The following NALF1 variants were observed in gnomAD, a reference collection of about 807,000 sequenced individuals.
NALF1 encodes the protein family with sequence similarity 155 member A.
In NALF1, 3 loss-of-function variants were observed where a neutral mutation model predicts 48.4. The ratio of observed to expected loss-of-function variants is 0.06; its 90% confidence interval spans 0.03 to 0.16. The LOEUF is 0.16. Among genes scored for constraint, NALF1 ranks in the 10% least tolerant of loss-of-function variants. NALF1 has a pLI of 1.00. For missense variants in NALF1, 526 were observed against 571.5 expected, an observed-to-expected ratio of 0.92 and a Z score of 0.81; for synonymous variants, 262 against 245.7, an observed-to-expected ratio of 1.07 and a Z score of -0.62.
chr13:107,229,567 GAGTCCACAGGAGATTCAA>G (rs1203788720), intron 1 of NALF1, among the ~76,000 whole-genome samples: 2 of 152,164 alleles, frequency 1.3e-5, no homozygotes, highest in Non-Finnish European at 2.9e-5. Context: ...GCAGGGTAAG[GAGTCCACAGGAGATTCAA>G]AGTGGGTGAG....
intron 1 of NALF1, among the ~76,000 whole-genome samples, chr13:107,570,059 C>A (rs1566397540): frequency 6.6e-6 from 1 of 151,882 alleles, no homozygotes; most frequent in Non-Finnish European, 1.5e-5. Flanking sequence ...GTTCTATGAC[C>A]TTATTGAACT....
intron 1 of NALF1, among the ~76,000 whole-genome samples, chr13:107,248,943 T>C (rs868148801): frequency 2.0e-5 from 3 of 148,196 alleles, no homozygotes; most frequent in African/African-American, 5.0e-5. Context: ...ATAACATATA[T>C]ATATATTTGT....
intron 1 of NALF1, among the ~76,000 whole-genome samples, chr13:107,526,014 G>T (rs534616997): frequency 1.3e-5 from 2 of 151,916 alleles, no homozygotes; most frequent in Non-Finnish European, 2.9e-5. Context: ...TGAGTTTTAA[G>T]TGATTTTATA....
chr13:107,754,858 A>C (rs1877047414), intron 1 of NALF1, among the ~76,000 whole-genome samples: 1 of 152,240 alleles, frequency 6.6e-6, no homozygotes, highest in African/African-American at 2.4e-5. Flanking sequence ...AAAGGAGAGA[A>C]GAAATTGTAA....
At position 107,407,264 on chromosome 13, in the gene NALF1, G is replaced by A. The variant is rs1883915167; in HGVS notation, c.916-196509C>T. On this transcript the variant is annotated intron_variant, in intron 1 of 2. Transcript: ENST00000375915. ...AACAAAAGCAAAAATGAACAAATGA[G>A]ATCATATCAAGTTTAAAAGCTGCAC... 2.0e-5 allele frequency among the ~76,000 whole-genome samples: 3 copies of A among 152,000 alleles called. No individual in the cohort carries two copies. In the South Asian group the frequency reaches 6.2e-4, roughly 32 times the overall value.
intron 1 of NALF1, among the ~76,000 whole-genome samples, chr13:107,231,132 C>T (rs113348062): frequency 6.7e-6 from 1 of 148,294 alleles, no homozygotes; most frequent in East Asian, 2.0e-4. Flanking sequence ...TAGATACAAG[C>T]GCTTATAATT....
chr13:107,349,352 C>A (rs997588044), intron 1 of NALF1, among the ~76,000 whole-genome samples: 4 of 152,086 alleles, frequency 2.6e-5, no homozygotes, highest in African/African-American at 9.7e-5. Flanking sequence ...GTGACGTCTG[C>A]CCCTTGTTGA....
At chr13:107,413,944 G>T (rs1228670247) in intron 1 of NALF1, among the ~76,000 whole-genome samples, 1 of 152,030 alleles carries the variant, frequency 6.6e-6, no homozygotes, top group African/African-American at 2.4e-5. Flanking sequence ...GCACCACCAC[G>T]CCCAGGTAAT....
intron 1 of NALF1, among the ~76,000 whole-genome samples, chr13:107,753,856 A>T (rs144558064): frequency 6.6e-6 from 1 of 152,254 alleles, no homozygotes; most frequent in East Asian, 1.9e-4. Flanking sequence ...GGTACAAATA[A>T]ATCTGTGATG....
chr13:107,711,475 A>G (rs1875590242), intron 1 of NALF1, among the ~76,000 whole-genome samples: 2 of 152,232 alleles, frequency 1.3e-5, no homozygotes, highest in Admixed American at 6.5e-5. Context: ...AGCTGGGGCT[A>G]CAAGCATGCA....
At chr13:107,687,582 TAC>T (rs1881466560) in intron 1 of NALF1, among the ~76,000 whole-genome samples, 2 of 152,004 alleles carry the variant, frequency 1.3e-5, no homozygotes, top group Admixed American at 1.3e-4. Context: ...GGAAATTAAT[TAC>T]AGTGATATGT....
rs768086786 is a variant in NALF1, at chr13:107,728,661, G to A, written c.915+137021C>T. ...ACATGTATACATATGTAACAAACCT[G>A]CACGTTCTGCGCATGTATCCCAGAA... On this transcript the variant is annotated intron_variant, in intron 1 of 2. Coordinates refer to ENST00000375915, the MANE Select transcript of NALF1 (RefSeq NM_001080396.3). Among the ~76,000 whole-genome samples, 10 of 151,852 alleles carry A rather than the reference G, an allele frequency of 6.6e-5. No homozygotes were observed. The East Asian group carries it at 1.7e-3, about 27-fold the overall frequency.
chr13:107,841,683 T>C (rs983553303), intron 1 of NALF1, among the ~76,000 whole-genome samples: 88 of 152,108 alleles, frequency 5.8e-4, no homozygotes, highest in Non-Finnish European at 6.8e-4. Flanking sequence ...TGTTTGACTT[T>C]GTTTTGTTTT....
intron 1 of NALF1, among the ~76,000 whole-genome samples, chr13:107,748,609 CAATT>C (rs1275104218): frequency 2.0e-5 from 3 of 152,146 alleles, no homozygotes; most frequent in East Asian, 1.9e-4. Context: ...ACTTACCTGA[CAATT>C]AATTAGTACC....
At chr13:107,784,601 C>T (rs1030078721) in intron 1 of NALF1, among the ~76,000 whole-genome samples, 3 of 152,002 alleles carry the variant, frequency 2.0e-5, no homozygotes, top group East Asian at 1.9e-4. Flanking sequence ...CATGAATAGA[C>T]GATTCTCAAA....
At chr13:107,479,104 T>C (rs1885215090) in intron 1 of NALF1, among the ~76,000 whole-genome samples, 1 of 152,112 alleles carries the variant, frequency 6.6e-6, no homozygotes, top group Non-Finnish European at 1.5e-5. Context: ...CAACCTTCCT[T>C]AGAAGATGCC....
At chr13:107,238,210 C>T (rs1445020928) in intron 1 of NALF1, among the ~76,000 whole-genome samples, 1 of 152,186 alleles carries the variant, frequency 6.6e-6, no homozygotes, top group Non-Finnish European at 1.5e-5. Context: ...CATGGTGCAG[C>T]ACAACCCATG....
At chr13:107,327,595 C>G (rs16969991) in intron 1 of NALF1, among the ~76,000 whole-genome samples, 6,918 of 151,714 alleles carry the variant, frequency 0.046, 234 homozygotes, top group East Asian at 0.19. Flanking sequence ...TGAATAATTT[C>G]AGCTTGATGA....
intron 1 of NALF1, 110 bp downstream of exon 1, chr13:107,865,572 A>C (rs1880688405): frequency 7.7e-6 from 11 of 1,430,492 alleles, no homozygotes; most frequent in South Asian, 7.0e-5. Context: ...CAGAAAACAC[A>C]AAGTAACAAA....
Sources: allele counts gnomAD v4.1 joint callset (sites outside exome capture counted in the v4.1 genomes callset), GRCh38; gene constraint gnomAD v4.1.1; transcripts MANE v1.5; gene names NCBI Gene and HGNC (gene_info 2026-07-23, HGNC 2026-07-21).